ABCB1: variants seen among roughly 807,000 people sequenced by gnomAD.
ABCB1 encodes ATP binding cassette subfamily B member 1, also known as ATP-dependent translocase ABCB1.
Under a neutral mutation model 142.0 loss-of-function variants are expected in ABCB1, and 69 were observed. That is an observed-to-expected ratio of 0.49 (90% CI 0.40 to 0.59). The LOEUF is 0.59. ABCB1 is among the 20% of genes least tolerant of loss of function. The probability of loss-of-function intolerance (pLI) is 0.00; values close to 1 mark genes in which losing one functional copy is unlikely to be tolerated. For synonymous variants in ABCB1, 532 were observed against 539.2 expected (o/e 0.99, Z 0.18); for missense variants, 1,326 against 1,554.7 (o/e 0.85, Z 2.47).
intron 1 of ABCB1, among the ~76,000 whole-genome samples, chr7:87,655,785 T>G (rs1563107574): frequency 6.6e-6 from 1 of 152,132 alleles, no homozygotes; most frequent in East Asian, 1.9e-4. Context: ...TGCTGGAAAC[T>G]TAACCCCCTG....
chr7:87,664,520 C>A (rs185127239), intron 1 of ABCB1, among the ~76,000 whole-genome samples: 9 of 152,130 alleles, frequency 5.9e-5, no homozygotes, highest in Admixed American at 3.9e-4. Context: ...TAAGGTGTAA[C>A]TCTTGAAATG....
chr7:87,585,397 C>G, intron 4 of ABCB1, 115 bp downstream of exon 4: 5 of 1,015,046 alleles, frequency 4.9e-6, no homozygotes, highest in Non-Finnish European at 7.5e-6. Flanking sequence ...GACTGTCTGC[C>G]TCCTACAGGA....
intron 1 of ABCB1, among the ~76,000 whole-genome samples, chr7:87,637,844 A>T (rs902076559): frequency 6.6e-6 from 1 of 151,920 alleles, no homozygotes; most frequent in Non-Finnish European, 1.5e-5. Context: ...GTGCACAGTC[A>T]TGTCATTTGC....
upstream of ABCB1, among the ~76,000 whole-genome samples, chr7:87,604,915 G>C (rs1455087365): frequency 6.6e-6 from 1 of 151,974 alleles, no homozygotes; most frequent in African/African-American, 2.4e-5. Flanking sequence ...CTCTCATTTT[G>C]TATTTATTAT....
At chr7:87,613,731 T>C (rs1819938988) in intron 1 of ABCB1, among the ~76,000 whole-genome samples, 1 of 151,942 alleles carries the variant, frequency 6.6e-6, no homozygotes. Flanking sequence ...CAAGAGTTGA[T>C]CTATTGGGAA....
chr7:87,580,379 C>G (rs1818458107), intron 4 of ABCB1, among the ~76,000 whole-genome samples: 1 of 152,220 alleles, frequency 6.6e-6, no homozygotes, highest in Non-Finnish European at 1.5e-5. Flanking sequence ...ACGCTACTCT[C>G]TTCAGACCTG....
At chr7:87,579,537 C>T (rs928162473) in intron 4 of ABCB1, among the ~76,000 whole-genome samples, 2 of 152,092 alleles carry the variant, frequency 1.3e-5, no homozygotes, top group African/African-American at 4.8e-5. Context: ...GATGAACAAT[C>T]CTTGCATCCC....
At chr7:87,673,941 T>A (rs1395616395) in intron 1 of ABCB1, among the ~76,000 whole-genome samples, 6 of 152,188 alleles carry the variant, frequency 3.9e-5, no homozygotes, top group African/African-American at 1.4e-4. Flanking sequence ...GTAGGTTCAG[T>A]CAATTGGCTT....
intron 1 of ABCB1, among the ~76,000 whole-genome samples, chr7:87,671,753 C>T (rs1443487488): frequency 3.3e-5 from 5 of 152,070 alleles, no homozygotes; most frequent in Admixed American, 2.0e-4. Context: ...GCAGCTGTTC[C>T]GTGCTGTGCT....
intron 1 of ABCB1, among the ~76,000 whole-genome samples, chr7:87,699,630 T>G (rs1828836930): frequency 6.6e-6 from 1 of 152,212 alleles, no homozygotes; most frequent in Admixed American, 6.5e-5. Context: ...GGCCTCGAAC[T>G]CCTGGCCTCA....
In ABCB1 at chr7:87,504,402, A is replaced by C. The variant is rs1008462286; in HGVS notation, c.3684T>G (p.Ile1228Met). ...LDKAREGRTC[I>M]VIAHRLSTIQ... is the part of the protein sequence containing the mutation. ...TGGTGGACAGGCGGTGAGCAATCAC[A>C]ATGCAGGTGCGGCCTTCTCTGGCTT... The change falls in exon 28 of 28, where the codon ATT becomes ATG. Residue 1228 changes from isoleucine to methionine, a missense_variant. Physicochemically the swap from Ile to Met is conservative, Grantham distance 10. Transcript: ENST00000622132. 2.5e-6 allele frequency: 4 copies of C among 1,614,136 alleles called. No homozygotes were observed. The highest frequency in any genetic ancestry group is 1.1e-5 in the South Asian group (1 of 91,074).
chr7:87,531,181 G>A lies in ABCB1; in HGVS notation c.2685+113C>T, dbSNP rs929874847. ...TAAGCATGAAAAAGATTGCTTTGAGGAATGGTTATAAACACATTCTTAGAG... is the reference window on the plus strand; with the variant it reads ...TAAGCATGAAAAAGATTGCTTTGAGAAATGGTTATAAACACATTCTTAGAG... On this transcript the variant is annotated intron_variant, in intron 21 of 27. Transcript: ENST00000622132. 4.2e-6 allele frequency: 4 copies of A among 959,844 alleles called. No homozygotes were observed. The African/African-American group carries it at 6.6e-5, about 16-fold the overall frequency. The allele number at this position is 959,844 out of a possible 1,614,324, so 59.5% of individuals were successfully genotyped here. A position where few individuals can be genotyped will look rare whatever the true frequency, so the allele number is the denominator to read the frequency against.
intron 1 of ABCB1, among the ~76,000 whole-genome samples, chr7:87,698,378 G>A (rs1828694843): frequency 1.3e-5 from 2 of 152,186 alleles, no homozygotes; most frequent in Non-Finnish European, 2.9e-5. Context: ...ACAGGCGTGA[G>A]CCACCGCACC....
chr7:87,686,505 C>A lies in ABCB1; in HGVS notation c.-331+26656G>T, dbSNP rs552554523. 2.2e-4 allele frequency among the ~76,000 whole-genome samples: 34 copies of A among 152,200 alleles called. No homozygotes were observed. The South Asian group carries it at 6.8e-3, about 31-fold the overall frequency. On this transcript the variant is annotated intron_variant, in intron 1 of 28. Transcript: ENST00000265724. ...GTGACTTTGATTATTTATGGACTGA[C>A]TGGTAGGCCACATAGATTAAGAAAA...
intron 4 of ABCB1, among the ~76,000 whole-genome samples, chr7:87,574,575 G>A (rs1401136257): frequency 6.6e-6 from 1 of 151,988 alleles, no homozygotes; most frequent in Non-Finnish European, 1.5e-5. Flanking sequence ...GTGTAGCCCT[G>A]GCTGTAAGCA....
chr7:87,568,051 C>T (rs553100499), intron 5 of ABCB1, among the ~76,000 whole-genome samples: 6 of 150,250 alleles, frequency 4.0e-5, no homozygotes, highest in Middle Eastern at 3.5e-3. Flanking sequence ...TGCCGGGAGC[C>T]GAGATCGTGC....
At chr7:87,648,594 A>T (rs1823262732) in intron 1 of ABCB1, among the ~76,000 whole-genome samples, 1 of 152,178 alleles carries the variant, frequency 6.6e-6, no homozygotes, top group African/African-American at 2.4e-5. Context: ...TGAGGCAAGC[A>T]CTGTTCAGAT....
chr7:87,545,797 T>A, intron 15 of ABCB1, 66 bp downstream of exon 15: 1 of 1,517,376 alleles, frequency 6.6e-7, no homozygotes, highest in East Asian at 2.3e-5. Flanking sequence ...TATTTATTTT[T>A]AGCATTAAAT....
intron 20 of ABCB1, among the ~76,000 whole-genome samples, chr7:87,535,672 T>C (rs1816258666): frequency 6.6e-6 from 1 of 152,210 alleles, no homozygotes; most frequent in Admixed American, 6.5e-5. Flanking sequence ...CTCTATGTAT[T>C]TCCTCATTTA....
Sources: allele counts gnomAD v4.1 joint callset (sites outside exome capture counted in the v4.1 genomes callset), GRCh38; gene constraint gnomAD v4.1.1; transcripts MANE v1.5; gene names NCBI Gene and HGNC (gene_info 2026-07-23, HGNC 2026-07-21).